IQGAP2: variants seen among roughly 807,000 people sequenced by gnomAD.
IQGAP2 encodes the protein IQ motif containing GTPase activating protein 2.
A neutral mutation model predicts 201.3 loss-of-function variants in IQGAP2; 173 were observed. The ratio of observed to expected loss-of-function variants is 0.86; its 90% confidence interval spans 0.76 to 0.98. The LOEUF (loss-of-function observed/expected upper bound fraction) is 0.98. IQGAP2 is among the 50% of genes least tolerant of loss of function. The pLI, the probability that IQGAP2 is intolerant of heterozygous loss-of-function variation, is 0.00. For missense variants in IQGAP2, 1,687 were observed against 1,864.8 expected (o/e 0.90, Z 1.76); for synonymous variants, 675 against 673.9 (o/e 1.00, Z -0.03).
chr5:76,609,026 T>C, intron 12 of IQGAP2: 1 of 1,382,044 alleles, frequency 7.2e-7, no homozygotes, highest in Non-Finnish European at 9.9e-7. Flanking sequence ...ACAGAGGAAG[T>C]GATGCATATG....
intron 13 of IQGAP2, among the ~76,000 whole-genome samples, chr5:76,612,210 C>T (rs1312539072): frequency 6.6e-6 from 1 of 152,102 alleles, no homozygotes; most frequent in Non-Finnish European, 1.5e-5. Context: ...TGACCGGGCA[C>T]AGTAGCTCAC....
chr5:76,521,639 A>T (rs1430008999), intron 2 of IQGAP2, among the ~76,000 whole-genome samples: 1 of 152,204 alleles, frequency 6.6e-6, no homozygotes, highest in African/African-American at 2.4e-5. Context: ...GCTCTTAGGA[A>T]CCAGAGACCA....
intron 31 of IQGAP2, among the ~76,000 whole-genome samples, chr5:76,694,826 C>A (rs1580840976): frequency 6.6e-6 from 1 of 152,212 alleles, no homozygotes; most frequent in East Asian, 1.9e-4. Flanking sequence ...CTTTTTGTTA[C>A]TGTTTCCTTG....
Position 76,702,488 on chromosome 5 carries a change from G to T in IQGAP2, c.4512G>T (p.Lys1504Asn). The change falls in exon 35 of 36, where the codon AAG (lysine) becomes AAT (asparagine). Residue 1504 changes from lysine to asparagine, a missense_variant. Coordinates refer to ENST00000274364, the MANE Select transcript of IQGAP2 (RefSeq NM_006633.5). ...DIDDLQTNQF[K>N]NVTFDIIATE... ...AATGTTCCTTTCTTCACAGGTTTAA[G>T]AATGTTACATTTGATATCATAGCTA... is the stretch of plus-strand genomic sequence containing the variant. The T allele has an allele frequency of 6.7e-7, 1 of 1,487,198 alleles. No homozygotes were observed. Among genetic ancestry groups the T allele is most frequent in the Non-Finnish European group, 9.4e-7 (1 of 1,064,924 alleles). The allele number at this position is 1,487,198 out of a possible 1,614,324, so 92.1% of individuals were successfully genotyped here.
At chr5:76,640,087 A>G (rs1751448200) in intron 16 of IQGAP2, among the ~76,000 whole-genome samples, 1 of 151,894 alleles carries the variant, frequency 6.6e-6, no homozygotes, top group Admixed American at 6.6e-5. Flanking sequence ...AAGGTCTAAC[A>G]CTGTTATAAA....
intron 2 of IQGAP2, among the ~76,000 whole-genome samples, chr5:76,551,217 C>T (rs1217260253): frequency 1.3e-5 from 2 of 148,622 alleles, no homozygotes; most frequent in South Asian, 2.1e-4. Flanking sequence ...GGGGTCGGGG[C>T]CGGGCAGAGG....
At chr5:76,475,237 A>G (rs1354298156) in intron 2 of IQGAP2, among the ~76,000 whole-genome samples, 1 of 152,200 alleles carries the variant, frequency 6.6e-6, no homozygotes, top group Non-Finnish European at 1.5e-5. Flanking sequence ...GCAGTAGTGC[A>G]TCAGCCAGGG....
chr5:76,445,819 C>T (rs571037550), intron 1 of IQGAP2, among the ~76,000 whole-genome samples: 6 of 152,246 alleles, frequency 3.9e-5, no homozygotes, highest in African/African-American at 1.4e-4. Context: ...TTCACATTGT[C>T]GTGCAGCCAA....
chr5:76,454,902 CCCA>C (rs1218298826), intron 1 of IQGAP2, among the ~76,000 whole-genome samples: 2 of 152,142 alleles, frequency 1.3e-5, no homozygotes, highest in African/African-American at 4.8e-5. Flanking sequence ...AGTTTACAGT[CCCA>C]CCAACAGTGT....
chr5:76,418,631 T>C (rs1016769916), intron 1 of IQGAP2, among the ~76,000 whole-genome samples: 1 of 151,940 alleles, frequency 6.6e-6, no homozygotes, highest in African/African-American at 2.4e-5. Flanking sequence ...GAAAAGACTT[T>C]AAGAGTAGTT....
chr5:76,440,470 A>G (rs1005465953), intron 1 of IQGAP2, among the ~76,000 whole-genome samples: 1 of 152,234 alleles, frequency 6.6e-6, no homozygotes, highest in Non-Finnish European at 1.5e-5. Context: ...AGATGTGCTC[A>G]GTGATGGCTG....
intron 1 of IQGAP2, among the ~76,000 whole-genome samples, chr5:76,459,060 A>G (rs948648020): frequency 4.6e-5 from 7 of 152,162 alleles, no homozygotes; most frequent in Non-Finnish European, 1.0e-4. Context: ...CCTGGAAGAT[A>G]GGTAGGATCC....
intron 2 of IQGAP2, among the ~76,000 whole-genome samples, chr5:76,526,911 T>C (rs1759008666): frequency 6.6e-6 from 1 of 152,212 alleles, no homozygotes; most frequent in South Asian, 2.1e-4. Context: ...GCCATAAGGA[T>C]GTGTTCTTTT....
intron 2 of IQGAP2, among the ~76,000 whole-genome samples, chr5:76,502,102 T>C (rs887250845): frequency 2.0e-5 from 3 of 152,328 alleles, no homozygotes; most frequent in East Asian, 1.9e-4. Context: ...GCAGCTACAA[T>C]GCCAAGCTGA....
chr5:76,537,025 A>G (rs896068429), intron 2 of IQGAP2, among the ~76,000 whole-genome samples: 3 of 152,332 alleles, frequency 2.0e-5, no homozygotes, highest in East Asian at 3.9e-4. Flanking sequence ...TTCATTTGTA[A>G]TAAGTTTACT....
chr5:76,422,076 A>G (rs961748150), intron 1 of IQGAP2, among the ~76,000 whole-genome samples: 11 of 152,198 alleles, frequency 7.2e-5, no homozygotes, highest in African/African-American at 2.7e-4. Flanking sequence ...AGACAATTCC[A>G]ATACACCAGA....
chr5:76,505,226 T>C (rs919979664), intron 2 of IQGAP2, among the ~76,000 whole-genome samples: 1 of 152,200 alleles, frequency 6.6e-6, no homozygotes, highest in African/African-American at 2.4e-5. Flanking sequence ...ATTTGTCTAG[T>C]GAAGGAATGA....
At chr5:76,628,570 A>C in intron 14 of IQGAP2, 1 of 327,828 alleles carries the variant, frequency 3.1e-6, no homozygotes, top group Non-Finnish European at 6.0e-6. Flanking sequence ...CCATATATAA[A>C]TTAAGATTCC....
rs1026625482 is a variant in IQGAP2 at position 76,585,886 on chromosome 5, T to C, written c.459-3020T>C. Among the ~76,000 whole-genome samples, 12 of 152,212 alleles carry C rather than the reference T, an allele frequency of 7.9e-5. No individual in the cohort carries two copies. In the East Asian group the frequency reaches 2.3e-3, roughly 29 times the overall value. On this transcript the variant is annotated intron_variant, in intron 5 of 35. Coordinates refer to ENST00000274364, the MANE Select transcript of IQGAP2 (RefSeq NM_006633.5). Reference sequence around the variant, plus strand: ...AAATTCTTTTGCAGTTTATCTTGCCTGTTAAATTCTGTTTAATTTTGTCGT... The same window carrying C: ...AAATTCTTTTGCAGTTTATCTTGCCCGTTAAATTCTGTTTAATTTTGTCGT...
Sources: gnomAD v4.1 joint callset for allele counts (sites outside exome capture counted in the v4.1 genomes callset) on GRCh38, gnomAD v4.1.1 for gene constraint, MANE v1.5 for transcripts, NCBI Gene and HGNC (gene_info 2026-07-23, HGNC 2026-07-21) for gene names.